The following CSF1 variants were observed in gnomAD, a reference collection of about 807,000 sequenced individuals.
The protein encoded by CSF1 is macrophage colony-stimulating factor 1.
In CSF1, 9 loss-of-function variants were observed where a neutral mutation model predicts 48.9. The observed-to-expected ratio is 0.18, with a 90% CI of 0.11 to 0.32. The LOEUF (loss-of-function observed/expected upper bound fraction) is 0.32. Among genes scored for constraint, CSF1 ranks in the 10% least tolerant of loss-of-function variants. The pLI is 1.00. For synonymous variants in CSF1, 305 were observed against 284.1 expected, an observed-to-expected ratio of 1.07 and a Z score of -0.74; for missense variants, 672 against 697.9, an observed-to-expected ratio of 0.96 and a Z score of 0.42.
intron 2 of CSF1, among the ~76,000 whole-genome samples, 187 bp downstream of exon 2, chr1:109,914,568 C>G (rs1466095943): frequency 6.6e-6 from 1 of 152,264 alleles, no homozygotes; most frequent in Non-Finnish European, 1.5e-5. Context: ...GACCTCTGGT[C>G]TCCCCAGCTC....
At chr1:109,915,527 T>C in intron 2 of CSF1, 107 bp from the exon 3 acceptor site, 1 of 946,116 alleles carries the variant, frequency 1.1e-6, no homozygotes, top group South Asian at 1.4e-5. Flanking sequence ...AGGGATGAAG[T>C]TCAAACCCCA....
intron 5 of CSF1, 116 bp from the exon 6 acceptor site, chr1:109,923,050 G>C: frequency 9.9e-7 from 1 of 1,011,560 alleles, no homozygotes; most frequent in Non-Finnish European, 1.4e-6. Flanking sequence ...GCTAGGAGAT[G>C]AGGGCCCCCC....
At chr1:109,920,897 G>A (rs960557704) in intron 4 of CSF1, among the ~76,000 whole-genome samples, 1 of 152,132 alleles carries the variant, frequency 6.6e-6, no homozygotes, top group Admixed American at 6.5e-5. Context: ...TAAGGAGACA[G>A]AAAGAGCAGC....
chr1:109,926,958 C>G (rs1248419254), intron 8 of CSF1, among the ~76,000 whole-genome samples: 1 of 152,200 alleles, frequency 6.6e-6, no homozygotes, highest in Non-Finnish European at 1.5e-5. Flanking sequence ...GACTCACGGA[C>G]TGACCCTGGC....
intron 8 of CSF1, chr1:109,926,052 A>G (rs1343871102): frequency 1.3e-5 from 2 of 151,942 alleles, no homozygotes; most frequent in Admixed American, 6.6e-5. Context: ...CTTATATGAT[A>G]TGGTTTTCAG....
rs1386199436 is a variant in CSF1 at position 109,929,994 on chromosome 1, C to G, written c.*1156C>G. On this transcript the variant is annotated 3_prime_UTR_variant, in exon 9 of 9. Coordinates refer to ENST00000329608, the MANE Select transcript of CSF1 (RefSeq NM_000757.6). Reference sequence around the variant, plus strand: ...AGAGAGGCTACAGGGCGAGCTCTGACTGAAGATGGGCCTTTGAAATATAGG... The same window carrying G: ...AGAGAGGCTACAGGGCGAGCTCTGAGTGAAGATGGGCCTTTGAAATATAGG... The G allele has an allele frequency of 1.3e-5, 2 of 152,482 alleles. No homozygotes were observed. Among genetic ancestry groups the G allele is most frequent in the Non-Finnish European group, 2.9e-5 (2 of 68,200 alleles). The allele number at this position is 152,482 out of a possible 1,614,324, so 9.4% of individuals were successfully genotyped here.
At position 109,929,662 on chromosome 1, in the gene CSF1, C is replaced by G. The variant is rs1300026183; in HGVS notation, c.*824C>G. 1 of 153,932 alleles carries G rather than the reference C, an allele frequency of 6.5e-6. No individual in the cohort carries two copies. Among genetic ancestry groups the G allele is most frequent in the Non-Finnish European group, 1.4e-5 (1 of 69,146 alleles). The allele number at this position is 153,932 out of a possible 1,614,324, so 9.5% of individuals were successfully genotyped here. A position where few individuals can be genotyped will look rare whatever the true frequency, so the allele number is the denominator to read the frequency against. ...ATTGCACTGTGAACACTGTACCTGC[C>G]TGCTGAACAGCCTGCCCCCGTCCAT... On this transcript the variant is annotated 3_prime_UTR_variant, in exon 9 of 9. Transcript: ENST00000329608.
At chr1:109,924,949 G>C (rs1435961527) in intron 7 of CSF1, 121 bp downstream of exon 7, 2 of 1,107,642 alleles carry the variant, frequency 1.8e-6, no homozygotes, top group Non-Finnish European at 2.7e-6. Context: ...AGAACAGGAT[G>C]GGGGAGAGAA....
intron 3 of CSF1, among the ~76,000 whole-genome samples, chr1:109,916,354 A>T (rs577107768): frequency 1.3e-5 from 2 of 152,156 alleles, no homozygotes; most frequent in East Asian, 3.9e-4. Flanking sequence ...TGAAACGCCA[A>T]CCTGCTGCCT....
chr1:109,925,275 G>A, intron 8 of CSF1, 73 bp downstream of exon 8: 1 of 1,310,330 alleles, frequency 7.6e-7, no homozygotes, highest in Non-Finnish European at 1.1e-6. Flanking sequence ...ACCTGTTGGT[G>A]ACACCAATTC....
Position 109,924,173 on chromosome 1 carries a change from T to C in CSF1, c.1552T>C (p.Tyr518His). 4 of 1,611,420 alleles carry C rather than the reference T, an allele frequency of 2.5e-6. No homozygotes were observed. The highest frequency in any genetic ancestry group is 2.2e-5 in the East Asian group (1 of 44,866). The change falls in exon 6 of 9, where the codon TAC becomes CAC. Residue 518 changes from tyrosine to histidine, a missense_variant. Tyr to His is a moderately conservative substitution (Grantham distance 83). This residue lies in a region of CSF1 where 591 missense variants were observed against 593.6 expected (regional missense o/e 1.00). Transcript: ENST00000329608. The stretch of plus-strand genomic sequence containing the variant: ...GCTGGCCGTCGGAGGCCTCTTGTTC[T>C]ACAGGTGGAGGCGGCGGGTGAGTAG... ...VLLAVGGLLF[Y>H]RWRRRSHQEP...
In CSF1 at chr1:109,929,072, T is replaced by C. The variant is rs1427155913; in HGVS notation, c.*234T>C. 3.3e-5 allele frequency: 5 copies of C among 152,842 alleles called. No individual in the cohort carries two copies. Among genetic ancestry groups the C allele is most frequent in the Non-Finnish European group, 5.9e-5 (4 of 68,190 alleles). The allele number at this position is 152,842 out of a possible 1,614,324, so 9.5% of individuals were successfully genotyped here. On this transcript the variant is annotated 3_prime_UTR_variant, in exon 9 of 9. Coordinates refer to ENST00000329608, the MANE Select transcript of CSF1 (RefSeq NM_000757.6). ...ATGCTCCCCATGCTGCCACTATTTA[T>C]TGTGAGCCCTGGAGGCTCCCATGTG... is the stretch of plus-strand genomic sequence containing the variant.
chr1:109,914,690 G>A (rs1654825085), intron 2 of CSF1, among the ~76,000 whole-genome samples: 2 of 152,258 alleles, frequency 1.3e-5, no homozygotes, highest in African/African-American at 4.8e-5. Context: ...AGGCTTCTGA[G>A]GTCTGCTGTC....
At chr1:109,913,480 CTG>C (rs947192100) in intron 1 of CSF1, among the ~76,000 whole-genome samples, 1 of 152,218 alleles carries the variant, frequency 6.6e-6, no homozygotes, top group Non-Finnish European at 1.5e-5. Context: ...TCCCATCACT[CTG>C]GGGCTGAGCA....
At chr1:109,915,821 A>G (rs1360881525) in intron 3 of CSF1, 125 bp downstream of exon 3, 5 of 807,622 alleles carry the variant, frequency 6.2e-6, no homozygotes, top group Non-Finnish European at 1.1e-5. Flanking sequence ...GTGAGGATCC[A>G]TGGGTGCTCA....
At chr1:109,917,530 C>A in intron 4 of CSF1, 67 bp downstream of exon 4, 2 of 1,491,272 alleles carry the variant, frequency 1.3e-6, no homozygotes, top group Non-Finnish European at 1.8e-6. Context: ...GCCGCTCTAT[C>A]CACAGGCACA....
At chr1:109,910,587 G>T (rs1489548754), upstream of CSF1, 5 of 269,792 alleles carry the variant, frequency 1.9e-5, no homozygotes, top group Non-Finnish European at 3.9e-5. Context: ...GGTGGAGCCC[G>T]CGCTCGTTTG....
intron 1 of CSF1, among the ~76,000 whole-genome samples, chr1:109,912,431 G>GT (rs1406926541): frequency 6.6e-6 from 1 of 152,140 alleles, no homozygotes; most frequent in African/African-American, 2.4e-5. Flanking sequence ...GGAAGAGGCA[G>GT]TCAGAGGAGA....
intron 8 of CSF1, among the ~76,000 whole-genome samples, chr1:109,925,565 A>G (rs947184086): frequency 2.6e-5 from 4 of 152,088 alleles, no homozygotes; most frequent in Non-Finnish European, 5.9e-5. Context: ...TGTGGCAGCC[A>G]CTGCAAGCCC....
Sources: gnomAD v4.1 joint callset for allele counts (sites outside exome capture counted in the v4.1 genomes callset) on GRCh38, gnomAD v4.1.1 for gene constraint, gnomAD v4.1.1 regional missense constraint, MANE v1.5 for transcripts, NCBI Gene and HGNC (gene_info 2026-07-23, HGNC 2026-07-21) for gene names.